Variants in DNAH11 observed in about 807,000 individuals in gnomAD.
The protein encoded by DNAH11 is dynein axonemal heavy chain 11.
In DNAH11, 442 loss-of-function variants were observed where a neutral mutation model predicts 526.0. The ratio of observed to expected loss-of-function variants is 0.84; its 90% confidence interval spans 0.78 to 0.91. The LOEUF (loss-of-function observed/expected upper bound fraction) is 0.91. Among genes scored for constraint, DNAH11 ranks in the 40% least tolerant of loss-of-function variants. DNAH11 has a pLI of 0.00. For synonymous variants in DNAH11, 2,461 were observed against 1,935.9 expected (o/e 1.27, Z -7.12); for missense variants, 6,989 against 5,448.7 (o/e 1.28, Z -8.90).
chr7:21,849,337 ATT>A (rs1439273996), intron 66 of DNAH11, among the ~76,000 whole-genome samples: 1 of 152,190 alleles, frequency 6.6e-6, no homozygotes, highest in Non-Finnish European at 1.5e-5. Flanking sequence ...TATTGCTTTT[ATT>A]ACTGTTTTGA....
At position 21,744,326 on chromosome 7, in the gene DNAH11, T is replaced by C. The variant is rs1786048654; in HGVS notation, c.8155-112T>C. On this transcript the variant is annotated intron_variant, in intron 49 of 81. Transcript: ENST00000409508. ...CGAACACGCACATTACTATTGATGA[T>C]ATTTCTTTTAACCATTTGCTAAGTT... 2.3e-5 allele frequency: 27 copies of C among 1,149,602 alleles called. No individual in the cohort carries two copies. The South Asian group carries it at 3.6e-4, about 15-fold the overall frequency. 71.2% of individuals were successfully genotyped at this position (1,149,602 alleles called of 1,614,324 possible).
chr7:21,842,904 A>G (rs977978097), intron 66 of DNAH11, among the ~76,000 whole-genome samples, 156 bp downstream of exon 66: 3 of 152,248 alleles, frequency 2.0e-5, no homozygotes, highest in East Asian at 3.8e-4. Context: ...TAAACAATTC[A>G]AAGTTGCTCT....
rs1291969725 is a variant in DNAH11 at position 21,742,064 on chromosome 7, G to A, written c.8052G>A (p.Gln2684=). The change falls in exon 49 of 82, where the codon CAG becomes CAA. Residue 2684 remains glutamine, a synonymous_variant. Coordinates refer to ENST00000409508, the MANE Select transcript of DNAH11 (RefSeq NM_001277115.2). ...SILRSGPTLI[Q]ATIAFHQTMM... is the part of the protein sequence containing the mutation. The stretch of plus-strand genomic sequence containing the variant: ...TCAGGAGTGGCCCCACTTTGATCCA[G>A]GCAACAATAGCATTCCATCAGACAA... 6.2e-7 allele frequency: 1 copy of A among 1,613,886 alleles called. No individual in the cohort carries two copies.
intron 74 of DNAH11, among the ~76,000 whole-genome samples, chr7:21,875,412 CGTTT>C (rs892088411): frequency 2.0e-5 from 3 of 151,886 alleles, no homozygotes; most frequent in East Asian, 1.9e-4. Context: ...CTTTTTTGTT[CGTTT>C]GTTTGTTTTG....
At chr7:21,887,659 A>G (rs1784174524) in intron 76 of DNAH11, among the ~76,000 whole-genome samples, 1 of 152,188 alleles carries the variant, frequency 6.6e-6, no homozygotes, top group Non-Finnish European at 1.5e-5. Context: ...TAAATGGGAA[A>G]TCTTTTTATT....
chr7:21,601,701 A>G, intron 18 of DNAH11, 83 bp downstream of exon 18: 1 of 1,060,498 alleles, frequency 9.4e-7, no homozygotes, highest in East Asian at 2.6e-5. Context: ...CTCTCTTATG[A>G]TGTCCTTATA....
Position 21,866,622 on chromosome 7 carries a change from T to A in DNAH11, c.11649T>A (p.Leu3883=). The change falls in exon 71 of 82, where the codon CTT becomes CTA. Residue 3883 remains leucine, a synonymous_variant. Coordinates refer to ENST00000409508, the MANE Select transcript of DNAH11 (RefSeq NM_001277115.2). The part of the protein sequence containing the change: ...KKKSLIQKLI[L]LRAMRPDRMT... ...AAAGTTTAATACAGAAGCTGATTCT[T>A]CTGAGAGCAATGCGCCCTGACAGAA... is the stretch of plus-strand genomic sequence containing the variant. 6.2e-7 allele frequency: 1 copy of A among 1,613,890 alleles called. No homozygotes were observed.
At chr7:21,553,066 T>A (rs983697039) in intron 2 of DNAH11, among the ~76,000 whole-genome samples, 1 of 137,930 alleles carries the variant, frequency 7.3e-6, no homozygotes, top group African/African-American at 2.8e-5. Flanking sequence ...TCAGTATAAA[T>A]GGGATTTTTT....
chr7:21,767,911 T>C (rs1302889629), intron 55 of DNAH11, among the ~76,000 whole-genome samples: 2 of 152,150 alleles, frequency 1.3e-5, no homozygotes, highest in African/African-American at 4.8e-5. Flanking sequence ...GAGTGTAAGG[T>C]GCTTACACAA....
chr7:21,653,151 C>T (rs1781860397), intron 28 of DNAH11, among the ~76,000 whole-genome samples: 1 of 152,168 alleles, frequency 6.6e-6, no homozygotes. Context: ...GCTGGGATTA[C>T]AGGTATGAGC....
At chr7:21,616,406 C>G in intron 22 of DNAH11, 114 bp downstream of exon 22, 2 of 758,602 alleles carry the variant, frequency 2.6e-6, no homozygotes, top group Non-Finnish European at 4.1e-6. Flanking sequence ...TTACTTCTAA[C>G]AGAGTGATAG....
chr7:21,570,298 A>G lies in DNAH11; in HGVS notation c.1424A>G (p.Glu475Gly). ...TTTCTTGATCGTTTAATAAAAATAG[A>G]GGTATTCATTTTTTGATTTTATTTA... ...DKFLDRLIKI[E>G]DIFATTLEFE... The change falls in exon 7 of 82, where the codon GAG becomes GGG. Residue 475 changes from glutamate (E) to glycine (G), a missense_variant and splice_region_variant. Glu to Gly is a moderately conservative substitution (Grantham distance 98). Coordinates refer to ENST00000409508, the MANE Select transcript of DNAH11 (RefSeq NM_001277115.2). 1 of 1,587,454 alleles carries G rather than the reference A, an allele frequency of 6.3e-7. No individual in the cohort carries two copies. The highest frequency in any genetic ancestry group is 8.5e-7 in the Non-Finnish European group (1 of 1,170,446).
intron 65 of DNAH11, among the ~76,000 whole-genome samples, chr7:21,829,417 T>C (rs1282072639): frequency 1.3e-5 from 2 of 152,202 alleles, no homozygotes; most frequent in African/African-American, 2.4e-5. Context: ...TACAATATCT[T>C]AGGAAATCTC....
At chr7:21,551,466 C>T (rs1264051790) in intron 2 of DNAH11, among the ~76,000 whole-genome samples, 3 of 152,178 alleles carry the variant, frequency 2.0e-5, no homozygotes, top group Admixed American at 6.5e-5. Flanking sequence ...CCACTCTGTC[C>T]AGATTTTTCC....
At chr7:21,851,715 G>A (rs1782647022) in intron 66 of DNAH11, 1 of 467,516 alleles carries the variant, frequency 2.1e-6, no homozygotes, top group Non-Finnish European at 4.4e-6. Flanking sequence ...CTACTTGCAT[G>A]TCAGTGTTCC....
intron 12 of DNAH11, among the ~76,000 whole-genome samples, chr7:21,589,878 C>T (rs569080088): frequency 2.6e-5 from 4 of 152,120 alleles, no homozygotes; most frequent in Non-Finnish European, 5.9e-5. Context: ...AGACACGTCA[C>T]GTTTTTGATG....
chr7:21,690,637 A>C, intron 34 of DNAH11, 128 bp from the exon 35 acceptor site: 1 of 669,848 alleles, frequency 1.5e-6, no homozygotes, highest in Non-Finnish European at 2.5e-6. Context: ...GGGCTTATGA[A>C]TTTTAAAGAA....
intron 35 of DNAH11, among the ~76,000 whole-genome samples, chr7:21,697,747 A>G (rs1783911618): frequency 6.6e-6 from 1 of 152,182 alleles, no homozygotes; most frequent in Non-Finnish European, 1.5e-5. Context: ...ACCACAGGTA[A>G]AGCCTCGCCC....
At chr7:21,696,069 T>C (rs1351911125) in intron 35 of DNAH11, among the ~76,000 whole-genome samples, 1 of 152,156 alleles carries the variant, frequency 6.6e-6, no homozygotes, top group Non-Finnish European at 1.5e-5. Flanking sequence ...AGCTAGAGGA[T>C]TATCAGTTTT....
Sources: gnomAD v4.1 joint callset for allele counts (sites outside exome capture counted in the v4.1 genomes callset) on GRCh38, gnomAD v4.1.1 for gene constraint, MANE v1.5 for transcripts, NCBI Gene and HGNC (gene_info 2026-07-23, HGNC 2026-07-21) for gene names.